CSMD3: variants seen among roughly 807,000 people sequenced by gnomAD.
The protein encoded by CSMD3 is CUB and sushi domain-containing protein 3.
CSMD3 carries 177 observed loss-of-function variants against 435.2 expected under a neutral mutation model. That is an observed-to-expected ratio of 0.41 (90% confidence interval 0.36 to 0.46). The LOEUF is 0.46. CSMD3 is among the 20% of genes least tolerant of loss of function. The pLI is 0.34. For synonymous variants in CSMD3, 1,656 were observed against 1,520.5 expected, an observed-to-expected ratio of 1.09 and a Z score of -2.07; for missense variants, 4,265 against 4,504.6, an observed-to-expected ratio of 0.95 and a Z score of 1.52.
chr8:112,376,974 T>A (rs1360826881), intron 38 of CSMD3, among the ~76,000 whole-genome samples: 3 of 152,132 alleles, frequency 2.0e-5, no homozygotes, highest in Admixed American at 6.6e-5. Flanking sequence ...TAATTTTATG[T>A]GTGAAATGAC....
chr8:112,727,893 A>C (rs1188082962), intron 13 of CSMD3, among the ~76,000 whole-genome samples: 1 of 151,866 alleles, frequency 6.6e-6, no homozygotes, highest in African/African-American at 2.4e-5. Flanking sequence ...AACATAGCGT[A>C]ATTTTGAAAA....
intron 25 of CSMD3, among the ~76,000 whole-genome samples, chr8:112,556,488 C>A (rs1828130874): frequency 1.3e-5 from 2 of 151,864 alleles, no homozygotes; most frequent in African/African-American, 4.8e-5. Context: ...TAATGAGTTC[C>A]ATTTTATGTC....
intron 5 of CSMD3, among the ~76,000 whole-genome samples, chr8:113,094,527 C>T (rs911222095): frequency 6.6e-6 from 1 of 152,094 alleles, no homozygotes; most frequent in Admixed American, 6.6e-5. Context: ...AATAAACAAG[C>T]AAAACCACAA....
At chr8:112,456,115 G>T (rs1816818251) in intron 32 of CSMD3, among the ~76,000 whole-genome samples, 1 of 151,558 alleles carries the variant, frequency 6.6e-6, no homozygotes. Context: ...TTGGAAGCCG[G>T]AAAAAAAATG....
chr8:112,965,448 TG>T (rs1428513555), intron 7 of CSMD3, among the ~76,000 whole-genome samples: 3 of 151,800 alleles, frequency 2.0e-5, no homozygotes, highest in African/African-American at 7.2e-5. Flanking sequence ...CGGTTACAGG[TG>T]AAAAAAACAA....
chr8:112,294,670 CA>C (rs1203942913), intron 54 of CSMD3, among the ~76,000 whole-genome samples: 3 of 152,012 alleles, frequency 2.0e-5, no homozygotes, highest in African/African-American at 7.2e-5. Context: ...AACCACAAAG[CA>C]CAGCAGGTAT....
intron 9 of CSMD3, among the ~76,000 whole-genome samples, chr8:112,925,591 T>C (rs1311198430): frequency 6.6e-6 from 1 of 152,104 alleles, no homozygotes; most frequent in Non-Finnish European, 1.5e-5. Context: ...CTTTGTGCAT[T>C]GCTTTCCCAT....
intron 10 of CSMD3, among the ~76,000 whole-genome samples, chr8:112,874,344 T>A (rs999847677): frequency 6.6e-6 from 1 of 152,172 alleles, no homozygotes; most frequent in Non-Finnish European, 1.5e-5. Context: ...TGGTCAATTT[T>A]AAAATAAGTG....
intron 13 of CSMD3, among the ~76,000 whole-genome samples, chr8:112,690,665 T>C (rs80106714): frequency 6.6e-6 from 1 of 150,796 alleles, no homozygotes; most frequent in Non-Finnish European, 1.5e-5. Flanking sequence ...GCTATGTTCC[T>C]TAATAAATGT....
intron 6 of CSMD3, among the ~76,000 whole-genome samples, chr8:113,007,357 C>A (rs1345944837): frequency 2.0e-5 from 3 of 151,882 alleles, no homozygotes; most frequent in African/African-American, 7.2e-5. Flanking sequence ...TAAAGTTTAA[C>A]ATGAGGTCTC....
intron 16 of CSMD3, among the ~76,000 whole-genome samples, chr8:112,670,714 C>T (rs1375698601): frequency 2.6e-5 from 4 of 152,014 alleles, no homozygotes; most frequent in Non-Finnish European, 4.4e-5. Context: ...AAATGGGAAA[C>T]ACGGAACAGG....
chr8:112,638,461 G>A (rs141966075), intron 21 of CSMD3, among the ~76,000 whole-genome samples: 302 of 150,926 alleles, frequency 2.0e-3, no homozygotes, highest in Admixed American at 3.1e-3. Flanking sequence ...TTGTACTTCC[G>A]GTAGATTTAT....
intron 1 of CSMD3, among the ~76,000 whole-genome samples, chr8:113,435,598 C>T (rs1031920806): frequency 6.6e-6 from 1 of 151,752 alleles, no homozygotes; most frequent in Admixed American, 6.6e-5. Flanking sequence ...AAAACAGCAC[C>T]CCCTTTCCCG....
intron 1 of CSMD3, among the ~76,000 whole-genome samples, chr8:113,432,310 G>A (rs760314101): frequency 6.6e-6 from 1 of 152,128 alleles, no homozygotes; most frequent in Non-Finnish European, 1.5e-5. Flanking sequence ...GTGGTGCAAA[G>A]CCTCCCCAAA....
At chr8:113,086,163 G>A (rs1251076118) in intron 5 of CSMD3, among the ~76,000 whole-genome samples, 1 of 151,672 alleles carries the variant, frequency 6.6e-6, no homozygotes, top group East Asian at 1.9e-4. Context: ...GCAGGAGAAT[G>A]GAGTGTACCT....
chr8:113,434,266 C>A (rs1375393445), intron 1 of CSMD3, among the ~76,000 whole-genome samples: 1 of 152,144 alleles, frequency 6.6e-6, no homozygotes, highest in South Asian at 2.1e-4. Context: ...TAGATTAGAA[C>A]CTGCAAAATC....
At chr8:112,356,441 G>C (rs1284894940) in intron 38 of CSMD3, among the ~76,000 whole-genome samples, 1 of 152,120 alleles carries the variant, frequency 6.6e-6, no homozygotes, top group East Asian at 1.9e-4. Context: ...TCACTTATAA[G>C]TGGGAGCTAA....
chr8:112,343,574 G>A (rs954858254), intron 41 of CSMD3, among the ~76,000 whole-genome samples: 2 of 152,016 alleles, frequency 1.3e-5, no homozygotes, highest in Non-Finnish European at 2.9e-5. Context: ...TGTTTACCTG[G>A]AATTTCTTTC....
chr8:113,242,885 A>C (rs2132253885), intron 3 of CSMD3, among the ~76,000 whole-genome samples: 1 of 152,062 alleles, frequency 6.6e-6, no homozygotes, highest in Admixed American at 6.6e-5. Context: ...TAGCTACAAT[A>C]TAATTTTCAG....
Sources: allele counts gnomAD v4.1 joint callset (sites outside exome capture counted in the v4.1 genomes callset), GRCh38; gene constraint gnomAD v4.1.1; transcripts MANE v1.5; gene names NCBI Gene and HGNC (gene_info 2026-07-23, HGNC 2026-07-21).